PCDHGB3: variants seen among roughly 807,000 people sequenced by gnomAD.
PCDHGB3 encodes the protein protocadherin gamma-B3.
A neutral mutation model predicts 59.2 loss-of-function variants in PCDHGB3; 40 were observed. The observed-to-expected ratio is 0.68, with a 90% CI of 0.52 to 0.88. The LOEUF (loss-of-function observed/expected upper bound fraction) is 0.88, where lower values mean the gene tolerates loss of function less well. PCDHGB3 is among the 40% of genes least tolerant of loss of function. The pLI, the probability that PCDHGB3 is intolerant of heterozygous loss-of-function variation, is 0.00. For missense variants in PCDHGB3, 1,309 were observed against 1,187.9 expected (o/e 1.10, Z -1.50); for synonymous variants, 581 against 503.6 (o/e 1.15, Z -2.06).
chr5:141,436,406 G>T (rs1403133377), intron 1 of PCDHGB3, among the ~76,000 whole-genome samples: 3 of 152,308 alleles, frequency 2.0e-5, no homozygotes, highest in East Asian at 3.9e-4. Context: ...GTTGTTGAAT[G>T]AATGGATAAA....
In PCDHGB3 at chr5:141,432,293, G is replaced by A; in HGVS notation, c.2415+59484G>A. On this transcript the variant is annotated intron_variant, in intron 1 of 3. Transcript: ENST00000576222. The surrounding 1 kb of genome is among the most constrained non-coding windows in gnomAD (Gnocchi z 6.0). ...CTACGTGTCCATCAACTCCGACACT[G>A]GGGTACTGTATGCGCTGAGCTCCTT... 1 of 1,614,254 alleles carries A rather than the reference G, an allele frequency of 6.2e-7. No homozygotes were observed. Among genetic ancestry groups the A allele is most frequent in the Non-Finnish European group, 8.5e-7 (1 of 1,180,040 alleles).
chr5:141,432,537 C>T lies in PCDHGB3; in HGVS notation c.2415+59728C>T, dbSNP rs367578838. Reference sequence around the variant, plus strand: ...GGCTACCTGGTGACCAAGGTGGTGGCGGTGGACAGAGACTCCGGCCAGAAC... The same window carrying T: ...GGCTACCTGGTGACCAAGGTGGTGGTGGTGGACAGAGACTCCGGCCAGAAC... On this transcript the variant is annotated intron_variant, in intron 1 of 3. Transcript: ENST00000576222. This position sits in a 1 kb window ranked among gnomAD's most constrained non-coding sequence, Gnocchi z 6.0. The T allele has an allele frequency of 5.6e-6, 9 of 1,613,882 alleles. No homozygotes were observed. The African/African-American group carries it at 6.7e-5, about 12-fold the overall frequency.
chr5:141,423,438 C>T lies in PCDHGB3; in HGVS notation c.2415+50629C>T, dbSNP rs2096741369. 5 of 1,613,942 alleles carry T rather than the reference C, an allele frequency of 3.1e-6. No homozygotes were observed. In the East Asian group the frequency reaches 8.9e-5, roughly 29 times the overall value. On this transcript the variant is annotated intron_variant, in intron 1 of 3. Transcript: ENST00000576222. Reference sequence around the variant, plus strand: ...CTGAAGGCGGGTTGGCAGGTATGCCCACGTCACATTTTGTAGGCGTGGACG... The same window carrying T: ...CTGAAGGCGGGTTGGCAGGTATGCCTACGTCACATTTTGTAGGCGTGGACG...
At chr5:141,382,795 T>G in intron 1 of PCDHGB3, 8 of 982,614 alleles carry the variant, frequency 8.1e-6, no homozygotes, top group Non-Finnish European at 1.2e-5. Context: ...TCTATCCTGC[T>G]GGATTCTGAG....
At position 141,491,154 on chromosome 5, in the gene PCDHGB3, C is replaced by T. The variant is rs773308291; in HGVS notation, c.2416-3653C>T. ...CAGCCCGGGCCTTACTGGAGGATGACTCTGACACCCAGCAGGTGGTGGTCC... is the reference window on the plus strand; with the variant it reads ...CAGCCCGGGCCTTACTGGAGGATGATTCTGACACCCAGCAGGTGGTGGTCC... On this transcript the variant is annotated intron_variant, in intron 1 of 3. Coordinates refer to ENST00000576222, the MANE Select transcript of PCDHGB3 (RefSeq NM_018924.5). The surrounding 1 kb of genome is among the most constrained non-coding windows in gnomAD (Gnocchi z 6.9). The T allele has an allele frequency of 6.2e-7, 1 of 1,614,162 alleles. No homozygotes were observed. The highest frequency in any genetic ancestry group is 1.7e-5 in the Admixed American group (1 of 60,026).
At chr5:141,442,202 G>A (rs1033563159) in intron 1 of PCDHGB3, 2 of 153,258 alleles carry the variant, frequency 1.3e-5, no homozygotes, top group African/African-American at 4.8e-5. Context: ...TTTATATCTG[G>A]TGATTGCCTT....
At chr5:141,509,574 G>A (rs554778751) in intron 3 of PCDHGB3, among the ~76,000 whole-genome samples, 7 of 152,182 alleles carry the variant, frequency 4.6e-5, no homozygotes, top group Non-Finnish European at 5.9e-5. Flanking sequence ...TTCACAGTGC[G>A]TACAAATCAG....
At position 141,409,239 on chromosome 5, in the gene PCDHGB3, A is replaced by C. The variant is rs1330242516; in HGVS notation, c.2415+36430A>C. The C allele has an allele frequency of 5.0e-6, 8 of 1,613,920 alleles. No individual in the cohort carries two copies. In the Admixed American group the frequency reaches 1.3e-4, roughly 27 times the overall value. On this transcript the variant is annotated intron_variant, in intron 1 of 3. Transcript: ENST00000576222. ...CTTGATGAAAACGACAACAGCCCAG[A>C]AATAATCATCACTTCTCTCTCTGAT... is the stretch of plus-strand genomic sequence containing the variant.
Position 141,418,806 on chromosome 5 carries a change from C to T in PCDHGB3, c.2415+45997C>T, listed in dbSNP as rs200530054. The T allele has an allele frequency of 3.0e-5, 49 of 1,613,694 alleles. No individual in the cohort carries two copies. In the African/African-American group the frequency reaches 5.9e-4, roughly 19 times the overall value. On this transcript the variant is annotated intron_variant, in intron 1 of 3. Transcript: ENST00000576222. ...GATTTTGAAGAAGTAGAAAGATATA[C>T]GATAAACATAGAAGCAAAAGACCGA...
rs1330713312 is a variant in PCDHGB3 at position 141,414,559 on chromosome 5, T to G, written c.2415+41750T>G. The stretch of plus-strand genomic sequence containing the variant: ...ACCTACCTTCTCTCAAGTCTCCTAC[T>G]TTACCTATATCCCAGAGAACAACGC... On this transcript the variant is annotated intron_variant, in intron 1 of 3. Coordinates refer to ENST00000576222, the MANE Select transcript of PCDHGB3 (RefSeq NM_018924.5). 5.0e-6 allele frequency: 8 copies of G among 1,613,782 alleles called. No homozygotes were observed. The Admixed American group carries it at 1.0e-4, about 20-fold the overall frequency.
chr5:141,403,729 C>G (rs1409756180), intron 1 of PCDHGB3: 1 of 1,613,896 alleles, frequency 6.2e-7, no homozygotes, highest in Non-Finnish European at 8.5e-7. Context: ...CCCCAGGCAC[C>G]TGGCTGCTTA....
intron 1 of PCDHGB3, chr5:141,399,551 T>C: frequency 6.2e-7 from 1 of 1,614,052 alleles, no homozygotes; most frequent in Non-Finnish European, 8.5e-7. Context: ...GCCTCGGACC[T>C]GGACTTGGGG....
intron 1 of PCDHGB3, among the ~76,000 whole-genome samples, chr5:141,457,215 T>C (rs1356941645): frequency 1.3e-5 from 2 of 152,186 alleles, no homozygotes; most frequent in South Asian, 2.1e-4. Flanking sequence ...AAATGTGGTG[T>C]GGTAGGTAAT....
At chr5:141,395,374 T>G (rs145897132) in intron 1 of PCDHGB3, 6 of 1,187,780 alleles carry the variant, frequency 5.1e-6, no homozygotes, top group Non-Finnish European at 6.9e-6. Flanking sequence ...ATTTTGGTGG[T>G]GTTACTATAA....
At chr5:141,384,184 A>T (rs1179495803) in intron 1 of PCDHGB3, 1 of 1,613,758 alleles carries the variant, frequency 6.2e-7, no homozygotes, top group Non-Finnish European at 8.5e-7. Flanking sequence ...AGATGGTGGA[A>T]CTCCTCCCTT....
intron 2 of PCDHGB3, among the ~76,000 whole-genome samples, chr5:141,498,039 A>G (rs2099781185): frequency 6.6e-6 from 1 of 152,264 alleles, no homozygotes; most frequent in Non-Finnish European, 1.5e-5. Flanking sequence ...CCAAATAATT[A>G]CAAAAATAAA....
intron 1 of PCDHGB3, chr5:141,421,488 G>C: frequency 3.1e-6 from 5 of 1,614,100 alleles, no homozygotes; most frequent in Non-Finnish European, 4.2e-6. Flanking sequence ...GCTTGATCAC[G>C]GCAGGCAGGA....
chr5:141,380,978 A>C (rs1244318995), intron 1 of PCDHGB3, among the ~76,000 whole-genome samples: 1 of 152,254 alleles, frequency 6.6e-6, no homozygotes, highest in Non-Finnish European at 1.5e-5. Context: ...AAACAAATAG[A>C]ATTTAACTCC....
chr5:141,385,238 T>C (rs756116390), intron 1 of PCDHGB3: 1 of 1,614,074 alleles, frequency 6.2e-7, no homozygotes, highest in Non-Finnish European at 8.5e-7. Context: ...GACATGCTCA[T>C]CAGCCAGGAG....
Sources: gnomAD v4.1 joint callset for allele counts (sites outside exome capture counted in the v4.1 genomes callset) on GRCh38, gnomAD v4.1.1 for gene constraint, Gnocchi (gnomAD v3.1) non-coding constraint, MANE v1.5 for transcripts, NCBI Gene and HGNC (gene_info 2026-07-23, HGNC 2026-07-21) for gene names.